The following SLC39A11 variants were observed in gnomAD, a reference collection of about 807,000 sequenced individuals.
The protein encoded by SLC39A11 is zinc transporter ZIP11.
SLC39A11 carries 33 observed loss-of-function variants against 36.1 expected under a neutral mutation model. The ratio of observed to expected loss-of-function variants is 0.91; its 90% CI spans 0.69 to 1.22. The LOEUF (loss-of-function observed/expected upper bound fraction) is 1.22. Ranked by LOEUF, SLC39A11 falls within the 50% of genes most tolerant of loss-of-function variation. SLC39A11 has a pLI of 0.00. For synonymous variants in SLC39A11, 166 were observed against 170.3 expected, an observed-to-expected ratio of 0.97 and a Z score of 0.20; for missense variants, 432 against 430.3, an observed-to-expected ratio of 1.00 and a Z score of -0.03.
intron 4 of SLC39A11, among the ~76,000 whole-genome samples, chr17:72,960,578 C>T (rs1353065910): frequency 6.6e-6 from 1 of 152,032 alleles, no homozygotes; most frequent in Non-Finnish European, 1.5e-5. Context: ...AATCCCTTGA[C>T]CCCACGAGTT....
In SLC39A11 at chr17:73,031,274, A is replaced by G. The variant is rs185990675; in HGVS notation, c.306+282T>C. 3.4e-3 allele frequency among the ~76,000 whole-genome samples: 515 copies of G among 152,302 alleles called. 3 individuals carry two copies. The highest frequency in any genetic ancestry group is 6.1e-3 in the Admixed American group (93 of 15,294). On this transcript the variant is annotated intron_variant, in intron 4 of 9. Coordinates refer to ENST00000255559, the MANE Select transcript of SLC39A11 (RefSeq NM_139177.4). ...GTGATCGTTCTAGGTCCTCTCATAT[A>G]TATACAGTGCCACCCAGCACATCAG...
At chr17:73,012,255 C>G (rs1486804666) in intron 4 of SLC39A11, among the ~76,000 whole-genome samples, 1 of 151,896 alleles carries the variant, frequency 6.6e-6, no homozygotes, top group East Asian at 2.0e-4. Flanking sequence ...CATCCTGTGA[C>G]AGAGCAAGAC....
At chr17:72,697,311 G>A (rs2072351651) in intron 7 of SLC39A11, among the ~76,000 whole-genome samples, 1 of 152,314 alleles carries the variant, frequency 6.6e-6, no homozygotes, top group Non-Finnish European at 1.5e-5. Flanking sequence ...TCGAACTCCT[G>A]AACTCAAGTG....
intron 3 of SLC39A11, among the ~76,000 whole-genome samples, chr17:73,063,229 T>C (rs754873725): frequency 6.6e-6 from 1 of 152,142 alleles, no homozygotes; most frequent in African/African-American, 2.4e-5. Flanking sequence ...TTGACGAAGG[T>C]AACTGAATCA....
chr17:72,696,014 G>A (rs998481614), intron 7 of SLC39A11, among the ~76,000 whole-genome samples: 2 of 152,218 alleles, frequency 1.3e-5, no homozygotes, highest in African/African-American at 4.8e-5. Flanking sequence ...TAATGCAGGG[G>A]CAGGCACCAC....
intron 4 of SLC39A11, among the ~76,000 whole-genome samples, chr17:73,020,751 T>C (rs1045263802): frequency 2.1e-5 from 3 of 143,636 alleles, no homozygotes; most frequent in African/African-American, 7.8e-5. Flanking sequence ...GGTGCAATCT[T>C]GGCTTACTGC....
intron 4 of SLC39A11, among the ~76,000 whole-genome samples, chr17:72,970,727 G>A (rs977531156): frequency 7.2e-5 from 11 of 152,256 alleles, no homozygotes; most frequent in Non-Finnish European, 2.9e-5. Flanking sequence ...AGGAGTGCCT[G>A]GGTCAAAGGG....
intron 5 of SLC39A11, among the ~76,000 whole-genome samples, chr17:72,870,771 GCCTATGTTAT>G (rs1319494485): frequency 6.6e-6 from 1 of 152,228 alleles, no homozygotes; most frequent in East Asian, 1.9e-4. Flanking sequence ...CTGCTAATGA[GCCTATGTTAT>G]CCTTCATCTA....
intron 5 of SLC39A11, among the ~76,000 whole-genome samples, chr17:72,900,507 G>C (rs958112588): frequency 2.0e-5 from 3 of 152,162 alleles, no homozygotes; most frequent in Non-Finnish European, 4.4e-5. Flanking sequence ...TGAGTCCAGA[G>C]GGGCAGCCAG....
At chr17:72,755,312 G>A (rs372236417) in intron 6 of SLC39A11, among the ~76,000 whole-genome samples, 4 of 152,250 alleles carry the variant, frequency 2.6e-5, no homozygotes, top group Admixed American at 6.5e-5. Context: ...TAAGGGCAAC[G>A]AAATCAGGAG....
chr17:72,948,473 G>C (rs1369351336), intron 4 of SLC39A11, among the ~76,000 whole-genome samples: 1 of 152,206 alleles, frequency 6.6e-6, no homozygotes, highest in Non-Finnish European at 1.5e-5. Context: ...CATATGGCAG[G>C]TTCACGTGAA....
intron 5 of SLC39A11, among the ~76,000 whole-genome samples, chr17:72,895,557 C>A (rs1474867550): frequency 2.0e-5 from 3 of 148,308 alleles, no homozygotes; most frequent in African/African-American, 7.5e-5. Flanking sequence ...CCAGCCTGGG[C>A]AACAAGAGCA....
intron 7 of SLC39A11, among the ~76,000 whole-genome samples, chr17:72,728,679 G>A (rs1219305652): frequency 2.0e-5 from 3 of 152,040 alleles, no homozygotes; most frequent in African/African-American, 4.8e-5. Context: ...AATTTGGCCC[G>A]CAGACCATAG....
intron 5 of SLC39A11, among the ~76,000 whole-genome samples, chr17:72,919,596 C>T (rs1192522621): frequency 2.7e-5 from 4 of 148,108 alleles, no homozygotes; most frequent in Admixed American, 2.1e-4. Flanking sequence ...GGCGAGAACC[C>T]GGGAGGTGGA....
chr17:72,739,060 T>A (rs78358678), intron 6 of SLC39A11, among the ~76,000 whole-genome samples: 1 of 152,090 alleles, frequency 6.6e-6, no homozygotes, highest in Non-Finnish European at 1.5e-5. Flanking sequence ...TTACCTTTTG[T>A]GCTTGATCTC....
intron 5 of SLC39A11, among the ~76,000 whole-genome samples, chr17:72,941,571 T>TTA (rs1567990864): frequency 7.5e-6 from 1 of 133,414 alleles, no homozygotes. Flanking sequence ...TTTTTTTTTT[T>TTA]AAAAGGCAGA....
intron 5 of SLC39A11, among the ~76,000 whole-genome samples, chr17:72,943,528 C>A (rs887413679): frequency 4.6e-5 from 7 of 152,168 alleles, no homozygotes; most frequent in Admixed American, 6.5e-5. Flanking sequence ...CTGTTTCTTA[C>A]CTGAGTGTCG....
chr17:72,809,225 C>CTT (rs2077361014), intron 6 of SLC39A11, among the ~76,000 whole-genome samples: 1 of 150,922 alleles, frequency 6.6e-6, no homozygotes, highest in South Asian at 2.1e-4. Context: ...CTCTCTCTCT[C>CTT]TCTTTCTTTC....
At chr17:73,010,472 C>T (rs933982392) in intron 4 of SLC39A11, among the ~76,000 whole-genome samples, 1 of 152,134 alleles carries the variant, frequency 6.6e-6, no homozygotes, top group Non-Finnish European at 1.5e-5. Context: ...TGGTCACTGA[C>T]CTTGGCTGAA....
Sources: allele counts gnomAD v4.1 joint callset (sites outside exome capture counted in the v4.1 genomes callset), GRCh38; gene constraint gnomAD v4.1.1; transcripts MANE v1.5; gene names NCBI Gene and HGNC (gene_info 2026-07-23, HGNC 2026-07-21).